ABCA13: variants seen among roughly 807,000 people sequenced by gnomAD.
ABCA13 encodes the protein ATP binding cassette subfamily A member 13.
In ABCA13, 476 loss-of-function variants were observed where a neutral mutation model predicts 478.7. That is an observed-to-expected ratio of 0.99 (90% CI 0.92 to 1.07). The LOEUF (loss-of-function observed/expected upper bound fraction) is 1.07, where lower values mean the gene tolerates loss of function less well. ABCA13 is among the 50% of genes least tolerant of loss of function. The pLI, the probability that ABCA13 is intolerant of heterozygous loss-of-function variation, is 0.00. For synonymous variants in ABCA13, 2,252 were observed against 2,158.9 expected (o/e 1.04, Z -1.20); for missense variants, 6,060 against 5,910.6 (o/e 1.03, Z -0.83).
At chr7:48,590,472 A>G (rs146041530) in intron 57 of ABCA13, among the ~76,000 whole-genome samples, 114 of 152,210 alleles carry the variant, frequency 7.5e-4, no homozygotes, top group African/African-American at 2.7e-3. Context: ...TCCCTTCCAG[A>G]TATTGATTTT....
Position 48,586,531 on chromosome 7 carries a change from G to A in ABCA13, c.14506-623G>A, listed in dbSNP as rs1789196160. On this transcript the variant is annotated intron_variant, in intron 56 of 61. Transcript: ENST00000435803. ...TTTATAGGGGGGAGCTTAACATTGG[G>A]TACACATGGGCACAAACATGGCAGC... Among the ~76,000 whole-genome samples the A allele has an allele frequency of 2.0e-5, 3 of 152,076 alleles. No individual in the cohort carries two copies. In the South Asian group the frequency reaches 6.2e-4, roughly 32 times the overall value.
At chr7:48,632,052 C>G (rs190168088) in intron 59 of ABCA13, among the ~76,000 whole-genome samples, 7 of 152,236 alleles carry the variant, frequency 4.6e-5, no homozygotes, top group Non-Finnish European at 8.8e-5. Context: ...TTTATCAAGT[C>G]CAGGAGTCTT....
intron 1 of ABCA13, among the ~76,000 whole-genome samples, chr7:48,190,695 A>C (rs1484042436): frequency 6.6e-6 from 1 of 152,186 alleles, no homozygotes; most frequent in African/African-American, 2.4e-5. Flanking sequence ...AAATAAATTA[A>C]ATCCTACGGT....
chr7:48,304,581 A>G (rs764386951), intron 23 of ABCA13, among the ~76,000 whole-genome samples: 1 of 152,120 alleles, frequency 6.6e-6, no homozygotes, highest in Non-Finnish European at 1.5e-5. Flanking sequence ...CAGCGATGGA[A>G]CAATAGACAT....
At chr7:48,564,116 G>C (rs757929410) in intron 55 of ABCA13, among the ~76,000 whole-genome samples, 1 of 151,974 alleles carries the variant, frequency 6.6e-6, no homozygotes, top group Non-Finnish European at 1.5e-5. Context: ...GAGACTAGAA[G>C]TGAGACTTGG....
intron 39 of ABCA13, among the ~76,000 whole-genome samples, chr7:48,408,072 T>A (rs560066091): frequency 6.6e-6 from 1 of 152,200 alleles, no homozygotes; most frequent in South Asian, 2.1e-4. Context: ...ATATTTACCC[T>A]TTTGTTGTTG....
chr7:48,396,852 G>A (rs751494488), intron 38 of ABCA13, among the ~76,000 whole-genome samples: 25 of 152,186 alleles, frequency 1.6e-4, no homozygotes, highest in Non-Finnish European at 3.2e-4. Flanking sequence ...TGTGGAACCT[G>A]CCTCTGGGGC....
chr7:48,538,715 A>G (rs1027137080), intron 55 of ABCA13, among the ~76,000 whole-genome samples: 64 of 151,946 alleles, frequency 4.2e-4, no homozygotes, highest in African/African-American at 1.5e-3. Context: ...CATTCTATGT[A>G]CTCCATTCCA....
intron 27 of ABCA13, among the ~76,000 whole-genome samples, chr7:48,325,824 A>G (rs1298324126): frequency 6.6e-6 from 1 of 152,196 alleles, no homozygotes; most frequent in East Asian, 1.9e-4. Context: ...ACAGAACTAC[A>G]AGTGACTTCC....
intron 55 of ABCA13, among the ~76,000 whole-genome samples, chr7:48,566,192 G>A (rs1476093945): frequency 6.6e-6 from 1 of 152,098 alleles, no homozygotes; most frequent in African/African-American, 2.4e-5. Flanking sequence ...ACCCCTCAGA[G>A]TGCTCCAAAC....
At chr7:48,336,500 G>A (rs577041786) in intron 28 of ABCA13, among the ~76,000 whole-genome samples, 10 of 152,282 alleles carry the variant, frequency 6.6e-5, no homozygotes, top group Admixed American at 3.3e-4. Flanking sequence ...ATCCTGGTGG[G>A]CCCTGCAATT....
chr7:48,646,058 T>C lies in ABCA13; in HGVS notation c.*546T>C, dbSNP rs1488556670. On this transcript the variant is annotated 3_prime_UTR_variant, in exon 62 of 62. Transcript: ENST00000435803. ...ACTGATGACATTATATGGTATGATATGAAAAAATCACCAATTTTTTACATA... is the reference window on the plus strand; with the variant it reads ...ACTGATGACATTATATGGTATGATACGAAAAAATCACCAATTTTTTACATA... 5 of 152,352 alleles carry C rather than the reference T, an allele frequency of 3.3e-5. No homozygotes were observed. The highest frequency in any genetic ancestry group is 6.5e-5 in the Admixed American group (1 of 15,306). The allele number at this position is 152,352 out of a possible 1,614,324, so 9.4% of individuals were successfully genotyped here. A position where few individuals can be genotyped will look rare whatever the true frequency, so the allele number is the denominator to read the frequency against.
At chr7:48,316,653 C>A (rs1802629802) in intron 26 of ABCA13, among the ~76,000 whole-genome samples, 1 of 152,272 alleles carries the variant, frequency 6.6e-6, no homozygotes, top group Middle Eastern at 3.4e-3. Flanking sequence ...TTGTTTGGCT[C>A]ACAGTTCTGC....
At chr7:48,374,019 G>A (rs1483975780) in intron 33 of ABCA13, among the ~76,000 whole-genome samples, 1 of 152,130 alleles carries the variant, frequency 6.6e-6, no homozygotes, top group Non-Finnish European at 1.5e-5. Context: ...ATAAAAAATA[G>A]TAAATTACTC....
At chr7:48,335,736 G>T (rs971210343) in intron 28 of ABCA13, among the ~76,000 whole-genome samples, 1 of 152,156 alleles carries the variant, frequency 6.6e-6, no homozygotes, top group Non-Finnish European at 1.5e-5. Flanking sequence ...AAATGGTATC[G>T]TTGTGAGAAT....
At chr7:48,281,209 A>T in intron 18 of ABCA13, 134 bp from the exon 19 acceptor site, 1 of 709,522 alleles carries the variant, frequency 1.4e-6, no homozygotes. Context: ...TTATGTTCCT[A>T]TGAAGAAAAT....
chr7:48,524,726 G>A (rs1257706103), intron 54 of ABCA13, among the ~76,000 whole-genome samples: 1 of 152,070 alleles, frequency 6.6e-6, no homozygotes, highest in Non-Finnish European at 1.5e-5. Flanking sequence ...ATAACTTTTT[G>A]TTGAGCAAAT....
Position 48,411,045 on chromosome 7 carries a change from TTCTTTTTC to T in ABCA13, c.12228+370_12228+377del, listed in dbSNP as rs1406017435. ...TTTCTTTCTTTCTTTCTTTCTTTCT[TTCTTTTTC>T]TTTCTTTCTTTCTTTCTTTTTCTTT... On this transcript the variant is annotated intron_variant, in intron 40 of 61. Transcript: ENST00000435803. 1.1e-3 allele frequency among the ~76,000 whole-genome samples: 114 copies of T among 99,270 alleles called. 1 individual carries two copies. The highest frequency in any genetic ancestry group is 1.7e-3 in the Non-Finnish European group (77 of 44,750). 65.1% of individuals were successfully genotyped at this position (99,270 alleles called of 152,430 possible).
At position 48,273,393 on chromosome 7, in the gene ABCA13, G is replaced by A. The variant is rs746023853; in HGVS notation, c.3727G>A (p.Val1243Ile). 24 of 1,613,470 alleles carry A rather than the reference G, an allele frequency of 1.5e-5. No individual in the cohort carries two copies. The African/African-American group carries it at 2.8e-4, about 19-fold the overall frequency. ...TTTGGTAGCTTTAGGTAATGCATTA[G>A]TTTCAGTAAAAAAACTTAACTTGGA... ...DFLVALGNAL[V>I]SVKKLNLEQV... The change falls in exon 17 of 62, where the codon GTT (valine) becomes ATT (isoleucine). Residue 1243 changes from valine (V) to isoleucine (I), a missense_variant. Physicochemically the swap from Val to Ile is conservative, Grantham distance 29 (BLOSUM62 3). Coordinates refer to ENST00000435803, the MANE Select transcript of ABCA13 (RefSeq NM_152701.5).
Sources: gnomAD v4.1 joint callset for allele counts (sites outside exome capture counted in the v4.1 genomes callset) on GRCh38, gnomAD v4.1.1 for gene constraint, MANE v1.5 for transcripts, NCBI Gene and HGNC (gene_info 2026-07-23, HGNC 2026-07-21) for gene names.